Variants in CRAT observed in about 807,000 individuals in gnomAD.
The protein encoded by CRAT is carnitine acetylase.
CRAT carries 66 observed loss-of-function variants against 73.7 expected under a neutral mutation model. That is an observed-to-expected ratio of 0.90 (90% CI 0.73 to 1.10). The LOEUF is 1.10. Ranked by LOEUF, CRAT falls within the 50% of genes least tolerant of loss-of-function variation. The pLI is 0.00. For synonymous variants in CRAT, 321 were observed against 343.2 expected, an observed-to-expected ratio of 0.94 and a Z score of 0.71; for missense variants, 745 against 846.9, an observed-to-expected ratio of 0.88 and a Z score of 1.49.
intron 1 of CRAT, chr9:129,109,350 T>A: frequency 2.6e-6 from 3 of 1,161,596 alleles, no homozygotes; most frequent in Non-Finnish European, 3.5e-6. Context: ...CCAGAAGCCC[T>A]GCCTATTTCC....
At chr9:129,104,560 T>C (rs1179847250) in intron 2 of CRAT, among the ~76,000 whole-genome samples, 1 of 151,228 alleles carries the variant, frequency 6.6e-6, no homozygotes, top group Non-Finnish European at 1.5e-5. Context: ...GAAAGAAAGA[T>C]CAGGAGGAAA....
intron 7 of CRAT, 162 bp downstream of exon 7, chr9:129,100,349 C>T: frequency 1.2e-6 from 1 of 857,100 alleles, no homozygotes; most frequent in South Asian, 1.8e-5. Context: ...TGATGACAGG[C>T]TGGCTGCCTG....
At chr9:129,101,392 A>G (rs947476816) in intron 6 of CRAT, among the ~76,000 whole-genome samples, 1 of 152,220 alleles carries the variant, frequency 6.6e-6, no homozygotes, top group African/African-American at 2.4e-5. Flanking sequence ...ACTAATTGCC[A>G]TCATGTTCCC....
rs1847573869 is a variant in CRAT at position 129,100,198 on chromosome 9, G to C, written c.985-232C>G. 5.2e-6 allele frequency: 3 copies of C among 582,454 alleles called. No individual in the cohort carries two copies. In the East Asian group the frequency reaches 8.5e-5, roughly 16 times the overall value. The allele number at this position is 582,454 out of a possible 1,614,324, so 36.1% of individuals were successfully genotyped here. A position where few individuals can be genotyped will look rare whatever the true frequency, so the allele number is the denominator to read the frequency against. Reference sequence around the variant, plus strand: ...TTCAAACTACTCTACCGGTGAGGTTGACCATCACCCCATTTTACAGGTGTG... The same window carrying C: ...TTCAAACTACTCTACCGGTGAGGTTCACCATCACCCCATTTTACAGGTGTG... On this transcript the variant is annotated intron_variant, in intron 7 of 13. Transcript: ENST00000318080.
chr9:129,099,124 A>T (rs1444457893), intron 8 of CRAT, among the ~76,000 whole-genome samples: 3 of 144,532 alleles, frequency 2.1e-5, no homozygotes, highest in African/African-American at 7.7e-5. Context: ...ACAGGCACCC[A>T]CCACCACGCG....
At chr9:129,098,875 G>GGAA (rs1847473049) in intron 8 of CRAT, among the ~76,000 whole-genome samples, 1 of 149,334 alleles carries the variant, frequency 6.7e-6, no homozygotes, top group Non-Finnish European at 1.5e-5. Context: ...GTGCAGTGAT[G>GGAA]TGATCTCAGC....
At chr9:129,104,127 C>T (rs1311857472) in intron 3 of CRAT, 61 bp downstream of exon 3, 32 of 1,302,302 alleles carry the variant, frequency 2.5e-5, no homozygotes, top group Non-Finnish European at 3.2e-5. Flanking sequence ...CTCCAAGCGG[C>T]TGGGCGAAGT....
At chr9:129,096,373 G>A (rs970795895) in intron 12 of CRAT, among the ~76,000 whole-genome samples, 2 of 152,274 alleles carry the variant, frequency 1.3e-5, no homozygotes, top group African/African-American at 2.4e-5. Flanking sequence ...GGGCCCTGGA[G>A]CTGGGTGACC....
In CRAT at chr9:129,095,114, A is replaced by G. The variant is rs1195476630; in HGVS notation, c.*283T>C. 2.0e-6 allele frequency: 1 copy of G among 493,748 alleles called. No homozygotes were observed. The highest frequency in any genetic ancestry group is 3.7e-6 in the Non-Finnish European group (1 of 272,832). The allele number at this position is 493,748 out of a possible 1,614,324, so 30.6% of individuals were successfully genotyped here. Reference sequence around the variant, plus strand: ...CTGGAGGGCTGGTTCCCTTCCCCAGAGGAGGCACCGGTGGAGGACGTGCCA... The same window carrying G: ...CTGGAGGGCTGGTTCCCTTCCCCAGGGGAGGCACCGGTGGAGGACGTGCCA... On this transcript the variant is annotated 3_prime_UTR_variant, in exon 14 of 14. Coordinates refer to ENST00000318080, the MANE Select transcript of CRAT (RefSeq NM_000755.5).
In CRAT at chr9:129,102,481, C is replaced by T. The variant is rs779529473; in HGVS notation, c.549G>A (p.Pro183=). The T allele has an allele frequency of 2.5e-5, 40 of 1,614,036 alleles. No individual in the cohort carries two copies. Among genetic ancestry groups the T allele is most frequent in the Admixed American group, 5.0e-5 (3 of 59,996 alleles). ...TGCTGACTGTGTCCTGCTTGGGGCC[C>T]GGCACTCGGCAGGAGGACAAGATCT... ...YYQILSSCRV[P]GPKQDTVSNF... is the part of the protein sequence containing the mutation. The change falls in exon 5 of 14, where the codon CCG becomes CCA. Residue 183 remains proline (P), a synonymous_variant. Coordinates refer to ENST00000318080, the MANE Select transcript of CRAT (RefSeq NM_000755.5).
Position 129,103,345 on chromosome 9 carries a change from GT to G in CRAT, c.411-280del, listed in dbSNP as rs938151007. Among the ~76,000 whole-genome samples, 2 of 152,194 alleles carry G rather than the reference GT, an allele frequency of 1.3e-5. No homozygotes were observed. The highest frequency in any genetic ancestry group is 4.8e-5 in the African/African-American group (2 of 41,440). The stretch of plus-strand genomic sequence containing the variant: ...GGTGCTGGCCCCCTGCAGCTGGAGT[GT>G]GGCTTGGTTAGGGGTCAGTGGGCTG... On this transcript the variant is annotated intron_variant, in intron 3 of 13. Coordinates refer to ENST00000318080, the MANE Select transcript of CRAT (RefSeq NM_000755.5). This position sits in a 1 kb window ranked among gnomAD's most constrained non-coding sequence, Gnocchi z 4.6.
rs1343237308 is a variant in CRAT at position 129,110,398 on chromosome 9, AG to A, written c.27+84del. The A allele has an allele frequency of 1.0e-5, 14 of 1,367,216 alleles. No individual in the cohort carries two copies. The African/African-American group carries it at 2.0e-4, about 19-fold the overall frequency. The allele number at this position is 1,367,216 out of a possible 1,614,324, so 84.7% of individuals were successfully genotyped here. A position where few individuals can be genotyped will look rare whatever the true frequency, so the allele number is the denominator to read the frequency against. The stretch of plus-strand genomic sequence containing the variant: ...GGAGGCCGGGTCGAACAGCGGCCGC[AG>A]GACGCGGTCTCCGTTCCCGGACGCA... On this transcript the variant is annotated intron_variant, in intron 1 of 13. Coordinates refer to ENST00000318080, the MANE Select transcript of CRAT (RefSeq NM_000755.5). The surrounding 1 kb of genome is among the most constrained non-coding windows in gnomAD (Gnocchi z 5.3).
In CRAT at chr9:129,100,538, G is replaced by A. The variant is rs754618456; in HGVS notation, c.957C>T (p.Gly319=). ...GCAGCGTCTTGTCGAACCAGCGGTT[G>A]CCGCTGTTGAGCCTGCTGCCGCCCC... ...LHGGGSRLNS[G]NRWFDKTLQF... The change falls in exon 7 of 14, where the codon GGC becomes GGT. Residue 319 remains glycine (G), a synonymous_variant. Coordinates refer to ENST00000318080, the MANE Select transcript of CRAT (RefSeq NM_000755.5). The A allele has an allele frequency of 3.1e-6, 5 of 1,613,618 alleles. No homozygotes were observed. Among genetic ancestry groups the A allele is most frequent in the South Asian group, 1.1e-5 (1 of 91,074 alleles).
At chr9:129,098,972 G>T (rs955281075) in intron 8 of CRAT, among the ~76,000 whole-genome samples, 3 of 142,342 alleles carry the variant, frequency 2.1e-5, no homozygotes, top group Non-Finnish European at 4.6e-5. Flanking sequence ...CGCCACCTTG[G>T]CTAATTTTTT....
Position 129,104,256 on chromosome 9 carries a change from CACAGGCTGGCG to C in CRAT, c.331_341del (p.Arg111GlyfsTer30). 6.2e-7 allele frequency: 1 copy of C among 1,613,694 alleles called. No individual in the cohort carries two copies. Among genetic ancestry groups the C allele is most frequent in the Non-Finnish European group, 8.5e-7 (1 of 1,179,858 alleles). On this transcript the variant is annotated frameshift_variant, in exon 3 of 14. Transcript: ENST00000318080. LOFTEE classifies it high-confidence loss of function. ...TCACGCCTGGGCTCGAGTAGATGAC[CACAGGCTGGCG>C]GTACTGGAGGTAGGCGGTCTTGAGC...
Position 129,096,099 on chromosome 9 carries a change from C to T in CRAT, c.1564G>A (p.Gly522Ser). 1 of 1,613,812 alleles carries T rather than the reference C, an allele frequency of 6.2e-7. No homozygotes were observed. The highest frequency in any genetic ancestry group is 8.5e-7 in the Non-Finnish European group (1 of 1,180,018). Reference sequence around the variant, plus strand: ...TCCTCGATGGCCTGCAGCTTCAGGCCCAGCAGGTGTCGATCAAAGGCCTCC... The same window carrying T: ...TCCTCGATGGCCTGCAGCTTCAGGCTCAGCAGGTGTCGATCAAAGGCCTCC... ...RGEAFDRHLL[G>S]LKLQAIEDLV... is the part of the protein sequence containing the mutation. The change falls in exon 13 of 14, where the codon GGC (glycine) becomes AGC (serine). Residue 522 changes from glycine (G) to serine (S), a missense_variant. By Grantham distance (56) the Gly-to-Ser change is moderately conservative. Transcript: ENST00000318080.
In CRAT at chr9:129,096,128, C is replaced by T. The variant is rs755511310; in HGVS notation, c.1535G>A (p.Arg512His). ...CAGGTGTCGATCAAAGGCCTCCCCG[C>T]GGATGGCCTGTTGGGGTGGGAGAGC... The part of the protein sequence containing the change: ...AHRGYTDRAI[R>H]GEAFDRHLLG... Residue 512 changes from arginine (R) to histidine (H), a missense_variant, in exon 13 of 14, where the codon CGC becomes CAC. By Grantham distance (29) the Arg-to-His change is conservative (BLOSUM62 0). Transcript: ENST00000318080. 18 of 1,612,982 alleles carry T rather than the reference C, an allele frequency of 1.1e-5. 1 individual carries two copies. The Admixed American group carries it at 1.2e-4, about 10-fold the overall frequency.
chr9:129,098,726 G>A, intron 8 of CRAT, 76 bp from the exon 9 acceptor site: 1 of 1,518,130 alleles, frequency 6.6e-7, no homozygotes, highest in Non-Finnish European at 8.8e-7. Context: ...AGGGTGGGGA[G>A]GATGGGTACC....
At chr9:129,108,652 G>A (rs1848170825) in intron 1 of CRAT, 1 of 1,223,188 alleles carries the variant, frequency 8.2e-7, no homozygotes, top group South Asian at 1.3e-5. Context: ...AGGGTGAGAG[G>A]CGGCAGAGAG....
Sources: gnomAD v4.1 joint callset for allele counts (sites outside exome capture counted in the v4.1 genomes callset) on GRCh38, gnomAD v4.1.1 for gene constraint, Gnocchi (gnomAD v3.1) non-coding constraint, MANE v1.5 for transcripts, NCBI Gene and HGNC (gene_info 2026-07-23, HGNC 2026-07-21) for gene names.